PLEK2: variants seen among roughly 807,000 people sequenced by gnomAD.
PLEK2 encodes the protein pleckstrin 2, also known as pleckstrin-2.
In PLEK2, 29 loss-of-function variants were observed where a neutral mutation model predicts 43.8. That is an observed-to-expected ratio of 0.66 (90% CI 0.49 to 0.90). The LOEUF is 0.90. Ranked by LOEUF, PLEK2 falls within the 40% of genes least tolerant of loss-of-function variation. PLEK2 has a pLI of 0.00. For synonymous variants in PLEK2, 162 were observed against 173.2 expected, an observed-to-expected ratio of 0.94 and a Z score of 0.51; for missense variants, 398 against 448.1, an observed-to-expected ratio of 0.89 and a Z score of 1.01.
At chr14:67,394,927 C>T (rs988674384) in intron 3 of PLEK2, among the ~76,000 whole-genome samples, 2 of 152,156 alleles carry the variant, frequency 1.3e-5, no homozygotes. Context: ...CCTGCACTGC[C>T]TCAGGACTCT....
chr14:67,409,024 G>A (rs2086099469), intron 1 of PLEK2, among the ~76,000 whole-genome samples: 1 of 151,038 alleles, frequency 6.6e-6, no homozygotes, highest in African/African-American at 2.4e-5. Flanking sequence ...AGACCAGCCT[G>A]GGCAACATGG....
chr14:67,398,784 C>A (rs996427264), intron 1 of PLEK2, among the ~76,000 whole-genome samples: 6 of 152,178 alleles, frequency 3.9e-5, no homozygotes, highest in Middle Eastern at 3.2e-3. Flanking sequence ...TCTTGAAGAA[C>A]TTCTGGGCTT....
chr14:67,390,354 C>T (rs913935147), intron 7 of PLEK2, among the ~76,000 whole-genome samples: 9 of 152,092 alleles, frequency 5.9e-5, no homozygotes, highest in Non-Finnish European at 1.5e-5. Flanking sequence ...GTCAGCCTAC[C>T]TCATCCTCCC....
chr14:67,390,292 G>C (rs1427396072), intron 7 of PLEK2, among the ~76,000 whole-genome samples: 1 of 152,184 alleles, frequency 6.6e-6, no homozygotes, highest in Non-Finnish European at 1.5e-5. Context: ...GAATTAATGG[G>C]ATCTTTGAAT....
At chr14:67,392,878 T>G in intron 4 of PLEK2, 29 bp from the exon 5 acceptor site, 1 of 1,573,758 alleles carries the variant, frequency 6.4e-7, no homozygotes. Context: ...AGTCAGGCGA[T>G]GGGTGATGGA....
intron 1 of PLEK2, among the ~76,000 whole-genome samples, chr14:67,399,631 G>C (rs564341845): frequency 1.4e-5 from 2 of 147,212 alleles, no homozygotes; most frequent in African/African-American, 5.2e-5. Flanking sequence ...ATAAAGAGAA[G>C]GGTAGTTTAG....
At chr14:67,407,278 C>A (rs1416015805) in intron 1 of PLEK2, among the ~76,000 whole-genome samples, 1 of 151,904 alleles carries the variant, frequency 6.6e-6, no homozygotes, top group Non-Finnish European at 1.5e-5. Flanking sequence ...CCCATCACCA[C>A]ACCTGGCTAA....
chr14:67,389,524 T>C (rs1443680416), intron 7 of PLEK2, among the ~76,000 whole-genome samples: 1 of 152,206 alleles, frequency 6.6e-6, no homozygotes, highest in African/African-American at 2.4e-5. Context: ...TTGCTTTGAG[T>C]AATCTCTTCT....
At chr14:67,391,796 A>G (rs1024963247) in intron 6 of PLEK2, among the ~76,000 whole-genome samples, 3 of 152,174 alleles carry the variant, frequency 2.0e-5, no homozygotes, top group Non-Finnish European at 4.4e-5. Flanking sequence ...TGCTCTCCCA[A>G]ACACGGTTTA....
At chr14:67,407,719 G>A (rs560271496) in intron 1 of PLEK2, among the ~76,000 whole-genome samples, 5 of 152,214 alleles carry the variant, frequency 3.3e-5, no homozygotes, top group African/African-American at 9.6e-5. Context: ...GGAATTTACA[G>A]GTGTGAGCCA....
intron 1 of PLEK2, 113 bp downstream of exon 1, chr14:67,411,905 G>T: frequency 1.0e-6 from 1 of 967,080 alleles, no homozygotes; most frequent in Non-Finnish European, 1.5e-6. Context: ...CATGGGGGTT[G>T]GGGATGGGAA....
At chr14:67,391,041 G>A (rs967075892) in intron 6 of PLEK2, among the ~76,000 whole-genome samples, 2 of 152,136 alleles carry the variant, frequency 1.3e-5, no homozygotes, top group Non-Finnish European at 2.9e-5. Flanking sequence ...CATAAAGGAG[G>A]ACAGGGAGGC....
chr14:67,395,366 G>C, intron 3 of PLEK2, 36 bp downstream of exon 3: 1 of 1,591,122 alleles, frequency 6.3e-7, no homozygotes, highest in South Asian at 1.1e-5. Flanking sequence ...ACAGGCAGGA[G>C]AGGCTGCCAC....
chr14:67,389,845 C>T (rs2085954318), intron 7 of PLEK2, among the ~76,000 whole-genome samples: 1 of 151,472 alleles, frequency 6.6e-6, no homozygotes, highest in African/African-American at 2.4e-5. Context: ...TTGAGGTAGC[C>T]AGAAAGGAAG....
intron 8 of PLEK2, 137 bp from the exon 9 acceptor site, chr14:67,387,593 G>C (rs1483924992): frequency 1.1e-5 from 10 of 916,634 alleles, no homozygotes; most frequent in Middle Eastern, 2.5e-4. Flanking sequence ...TTTACAGTTA[G>C]AGAATCCTAT....
intron 1 of PLEK2, among the ~76,000 whole-genome samples, chr14:67,405,490 C>T (rs1388518558): frequency 3.9e-5 from 6 of 152,060 alleles, no homozygotes. Context: ...CCTACCCCAC[C>T]CAGTATGAAA....
In PLEK2 at chr14:67,388,249, A is replaced by C; in HGVS notation, c.909T>G (p.Ala303=). 5.0e-6 allele frequency: 8 copies of C among 1,613,408 alleles called. No individual in the cohort carries two copies. Among genetic ancestry groups the C allele is most frequent in the Non-Finnish European group, 5.9e-6 (7 of 1,179,390 alleles). The change falls in exon 8 of 9, where the codon GCT becomes GCG. Residue 303 remains alanine (A), a synonymous_variant. Transcript: ENST00000216446. ...CAGTGGGAACGCCATTATCTTCCAG[A>C]GCAGACACGAGTGAACCACGAAGAG... is the stretch of plus-strand genomic sequence containing the variant. ...GFSLRGSLVS[A]LEDNGVPTGV...
intron 6 of PLEK2, among the ~76,000 whole-genome samples, chr14:67,391,307 CTT>C (rs201520742): frequency 0.017 from 1,943 of 117,274 alleles, 50 homozygotes; most frequent in African/African-American, 0.075. Flanking sequence ...GTGTGTGTGA[CTT>C]TCTTTGGCCT....
chr14:67,406,537 A>C (rs1253895038), intron 1 of PLEK2, among the ~76,000 whole-genome samples: 2 of 152,144 alleles, frequency 1.3e-5, no homozygotes, highest in Admixed American at 6.5e-5. Flanking sequence ...ATGGGGACCA[A>C]GGTGGCAAGG....
Sources: allele counts gnomAD v4.1 joint callset (sites outside exome capture counted in the v4.1 genomes callset), GRCh38; gene constraint gnomAD v4.1.1; transcripts MANE v1.5; gene names NCBI Gene and HGNC (gene_info 2026-07-23, HGNC 2026-07-21).